Variants in DLG2 observed in about 807,000 individuals in gnomAD.
DLG2 encodes the protein disks large homolog 2.
Under a neutral mutation model 132.5 loss-of-function variants are expected in DLG2, and 45 were observed. The ratio of observed to expected loss-of-function variants is 0.34; its 90% CI spans 0.27 to 0.44. DLG2 has a LOEUF of 0.44. DLG2 is among the 20% of genes least tolerant of loss of function. The probability of loss-of-function intolerance (pLI) is 1.00; values close to 1 mark genes in which losing one functional copy is unlikely to be tolerated. For synonymous variants in DLG2, 424 were observed against 419.6 expected, an observed-to-expected ratio of 1.01 and a Z score of -0.13; for missense variants, 1,045 against 1,196.9, an observed-to-expected ratio of 0.87 and a Z score of 1.87.
intron 3 of DLG2, among the ~76,000 whole-genome samples, chr11:85,297,869 T>G (rs1256997505): frequency 4.6e-5 from 7 of 152,104 alleles, no homozygotes; most frequent in Admixed American, 2.6e-4. Context: ...TGAAGACAGG[T>G]AGGCTAATAT....
chr11:84,653,341 C>G (rs1428626376), intron 6 of DLG2, among the ~76,000 whole-genome samples: 1 of 152,166 alleles, frequency 6.6e-6, no homozygotes, highest in East Asian at 1.9e-4. Context: ...AAAGATCTAA[C>G]TTACATTAAA....
At chr11:83,558,006 T>C (rs921115208) in intron 19 of DLG2, among the ~76,000 whole-genome samples, 4 of 152,136 alleles carry the variant, frequency 2.6e-5, no homozygotes, top group Non-Finnish European at 4.4e-5. Flanking sequence ...AGGAGGACAA[T>C]ATGGAATCTA....
chr11:85,393,629 ATG>A (rs35765389), intron 3 of DLG2, among the ~76,000 whole-genome samples: 3,983 of 143,714 alleles, frequency 0.028, 72 homozygotes, highest in Admixed American at 0.043. Context: ...TGGTATGCAT[ATG>A]TGTGTGTGTG....
At chr11:84,570,566 T>C (rs2099478367) in intron 6 of DLG2, among the ~76,000 whole-genome samples, 2 of 152,148 alleles carry the variant, frequency 1.3e-5, no homozygotes, top group African/African-American at 2.4e-5. Flanking sequence ...ATAGAGTCCA[T>C]AGCACATAAG....
chr11:84,105,965 A>G (rs1049683247), intron 9 of DLG2, among the ~76,000 whole-genome samples: 2 of 152,164 alleles, frequency 1.3e-5, no homozygotes, highest in African/African-American at 4.8e-5. Flanking sequence ...GTTTTCAAAT[A>G]TAACATACCT....
chr11:84,074,782 C>T (rs2096803945), intron 10 of DLG2, among the ~76,000 whole-genome samples: 1 of 152,138 alleles, frequency 6.6e-6, no homozygotes, highest in African/African-American at 2.4e-5. Context: ...CCCACCTCGG[C>T]CTCCCAAAGT....
intron 7 of DLG2, 137 bp downstream of exon 7, chr11:84,534,433 G>A (rs2099350538): frequency 1.1e-5 from 9 of 810,996 alleles, no homozygotes; most frequent in Non-Finnish European, 1.2e-5. Context: ...CAATGCACAA[G>A]AAAGACCCTT....
intron 6 of DLG2, among the ~76,000 whole-genome samples, chr11:84,846,812 T>C (rs2081535285): frequency 6.6e-6 from 1 of 152,150 alleles, no homozygotes; most frequent in Non-Finnish European, 1.5e-5. Context: ...TGGAGAGTCA[T>C]GAGTGTCCAT....
intron 14 of DLG2, 32 bp from the exon 15 acceptor site, chr11:83,930,515 A>G (rs1036273254): frequency 7.5e-6 from 12 of 1,610,032 alleles, no homozygotes; most frequent in Middle Eastern, 1.6e-4. Flanking sequence ...AAAGATATGC[A>G]TGGTTAGTAC....
At chr11:84,912,677 C>T (rs539446318) in intron 6 of DLG2, among the ~76,000 whole-genome samples, 24 of 152,334 alleles carry the variant, frequency 1.6e-4, no homozygotes, top group African/African-American at 5.5e-4. Flanking sequence ...AGGCTTTCTA[C>T]CAAACACCCC....
At chr11:84,180,243 A>G (rs757270543) in intron 8 of DLG2, among the ~76,000 whole-genome samples, 59 of 152,264 alleles carry the variant, frequency 3.9e-4, no homozygotes, top group Non-Finnish European at 5.3e-4. Flanking sequence ...GAAATGAAGA[A>G]TACTTTTGAT....
chr11:84,534,327 C>T (rs562758591), intron 7 of DLG2, among the ~76,000 whole-genome samples: 13 of 152,240 alleles, frequency 8.5e-5, no homozygotes, highest in East Asian at 5.8e-4. Flanking sequence ...TCACTCTTGG[C>T]GCTTTCTTTA....
chr11:84,671,486 G>A, intron 6 of DLG2, among the ~76,000 whole-genome samples: 1 of 152,102 alleles, frequency 6.6e-6, no homozygotes, highest in East Asian at 1.9e-4. Flanking sequence ...GGAAGAGCAA[G>A]ATGACAGTAG....
chr11:84,786,652 G>A (rs1238604215), intron 6 of DLG2, among the ~76,000 whole-genome samples: 1 of 152,108 alleles, frequency 6.6e-6, no homozygotes, highest in African/African-American at 2.4e-5. Context: ...TCTGAATAAA[G>A]CTCCAATGAG....
chr11:85,507,472 C>T (rs912175252), intron 3 of DLG2, among the ~76,000 whole-genome samples: 4 of 152,128 alleles, frequency 2.6e-5, no homozygotes, highest in African/African-American at 9.7e-5. Flanking sequence ...ACTTATGAAG[C>T]TTAGTTTGGT....
At chr11:83,854,738 C>T (rs10792695) in intron 16 of DLG2, among the ~76,000 whole-genome samples, 68,969 of 151,862 alleles carry the variant, frequency 0.45, 16,254 homozygotes, top group Middle Eastern at 0.57. Flanking sequence ...AAAGAAAGAA[C>T]TGATAAGCTG....
intron 6 of DLG2, among the ~76,000 whole-genome samples, chr11:84,646,493 AG>A (rs1467912645): frequency 6.6e-6 from 1 of 152,140 alleles, no homozygotes; most frequent in African/African-American, 2.4e-5. Flanking sequence ...AGAGCCAGGC[AG>A]GGGGCCAGCA....
At chr11:85,026,723 G>C (rs992447824) in intron 6 of DLG2, among the ~76,000 whole-genome samples, 1 of 152,106 alleles carries the variant, frequency 6.6e-6, no homozygotes, top group Non-Finnish European at 1.5e-5. Flanking sequence ...TGTAGTCCCA[G>C]CTACTCAGGA....
At chr11:84,761,673 T>G (rs1410488196) in intron 6 of DLG2, among the ~76,000 whole-genome samples, 1 of 152,176 alleles carries the variant, frequency 6.6e-6, no homozygotes, top group African/African-American at 2.4e-5. Flanking sequence ...CTCTTGAACT[T>G]AACACCAGTG....
Sources: gnomAD v4.1 joint callset for allele counts (sites outside exome capture counted in the v4.1 genomes callset) on GRCh38, gnomAD v4.1.1 for gene constraint, MANE v1.5 for transcripts, NCBI Gene and HGNC (gene_info 2026-07-23, HGNC 2026-07-21) for gene names.